The following CFAP54 variants were observed in gnomAD, a reference collection of about 807,000 sequenced individuals.
CFAP54 encodes the protein cilia- and flagella-associated protein 54.
CFAP54 carries 290 observed loss-of-function variants against 370.4 expected under a neutral mutation model. That is an observed-to-expected ratio of 0.78 (90% CI 0.71 to 0.86). CFAP54 has a LOEUF of 0.86. CFAP54 is among the 40% of genes least tolerant of loss of function. The probability of loss-of-function intolerance (pLI) is 0.00; values close to 1 mark genes in which losing one functional copy is unlikely to be tolerated. For synonymous variants in CFAP54, 1,206 were observed against 1,236.5 expected (o/e 0.98, Z 0.52); for missense variants, 3,399 against 3,528.7 (o/e 0.96, Z 0.93).
intron 5 of CFAP54, among the ~76,000 whole-genome samples, chr12:96,516,865 A>G (rs940142160): frequency 1.3e-5 from 2 of 152,212 alleles, no homozygotes; most frequent in Admixed American, 1.3e-4. Flanking sequence ...TAAATGGTGT[A>G]AGCTGATATA....
At chr12:96,647,750 A>T in intron 33 of CFAP54, 125 bp from the exon 34 acceptor site, 1 of 803,782 alleles carries the variant, frequency 1.2e-6, no homozygotes, top group Non-Finnish European at 1.8e-6. Flanking sequence ...AAGTGACAAA[A>T]CCCTTCATGA....
chr12:96,579,893 T>A (rs2136424613), intron 20 of CFAP54, among the ~76,000 whole-genome samples: 1 of 151,834 alleles, frequency 6.6e-6, no homozygotes, highest in South Asian at 2.1e-4. Flanking sequence ...AATATAAAAT[T>A]AAACTAAATA....
Position 96,769,753 on chromosome 12 carries a change from C to T in CFAP54, c.8281+4535C>T, listed in dbSNP as rs759287557. Among the ~76,000 whole-genome samples the T allele has an allele frequency of 3.9e-5, 6 of 152,206 alleles. No individual in the cohort carries two copies. The South Asian group carries it at 8.3e-4, about 21-fold the overall frequency. On this transcript the variant is annotated intron_variant, in intron 60 of 67. Transcript: ENST00000524981. ...GATAACAAATAGAGTTATACACCTG[C>T]GCTCTAAACTCACTGAGTCCCGCAG... is the stretch of plus-strand genomic sequence containing the variant.
At chr12:96,823,518 G>A (rs1005515804) in intron 65 of CFAP54, among the ~76,000 whole-genome samples, 1 of 152,160 alleles carries the variant, frequency 6.6e-6, no homozygotes, top group Non-Finnish European at 1.5e-5. Flanking sequence ...GAAACAATAA[G>A]ATCTGTTGTG....
At chr12:96,542,396 A>T (rs1253377343) in intron 14 of CFAP54, among the ~76,000 whole-genome samples, 1 of 152,248 alleles carries the variant, frequency 6.6e-6, no homozygotes, top group Non-Finnish European at 1.5e-5. Flanking sequence ...GTCTCTGGCC[A>T]TCGAACACAT....
intron 39 of CFAP54, among the ~76,000 whole-genome samples, chr12:96,672,503 G>A (rs193107856): frequency 6.6e-6 from 1 of 152,234 alleles, no homozygotes; most frequent in Admixed American, 6.5e-5. Context: ...AGAAAGGAAG[G>A]GAGAAGGGTT....
intron 46 of CFAP54, among the ~76,000 whole-genome samples, chr12:96,704,241 C>T (rs1957521323): frequency 6.6e-6 from 1 of 151,664 alleles, no homozygotes; most frequent in African/African-American, 2.4e-5. Flanking sequence ...TCCTGGCTAA[C>T]ACGGTGAAAC....
intron 39 of CFAP54, among the ~76,000 whole-genome samples, chr12:96,679,345 A>G (rs557051372): frequency 6.6e-6 from 1 of 152,122 alleles, no homozygotes; most frequent in African/African-American, 2.4e-5. Context: ...AAAATTGGCA[A>G]GATCTAAAGT....
At chr12:96,632,997 T>G (rs536004822) in intron 32 of CFAP54, among the ~76,000 whole-genome samples, 15 of 152,298 alleles carry the variant, frequency 9.8e-5, no homozygotes, top group Admixed American at 3.3e-4. Flanking sequence ...GTGTAAATTA[T>G]ATTTTAAAAT....
At chr12:96,654,318 G>A (rs1020711210) in intron 36 of CFAP54, among the ~76,000 whole-genome samples, 4 of 152,050 alleles carry the variant, frequency 2.6e-5, no homozygotes, top group Admixed American at 1.3e-4. Context: ...TGGCTAACTC[G>A]GTGAAACCCC....
rs1018784141 is a variant in CFAP54 at position 96,489,626 on chromosome 12, C to G, written c.17C>G (p.Ser6Cys). The G allele has an allele frequency of 1.3e-6, 2 of 1,522,688 alleles. No individual in the cohort carries two copies. The highest frequency in any genetic ancestry group is 1.8e-6 in the Non-Finnish European group (2 of 1,136,898). 94.3% of individuals were successfully genotyped at this position (1,522,688 alleles called of 1,614,324 possible). A position where few individuals can be genotyped will look rare whatever the true frequency, so the allele number is the denominator to read the frequency against. MAAQG[S>C]PSSSPSDDST... ...CGCGTCAATATGGCGGCGCAGGGCT[C>G]CCCCTCGAGCTCTCCGTCAGACGAC... is the stretch of plus-strand genomic sequence containing the variant. The change falls in exon 1 of 68, where the codon TCC (serine) becomes TGC (cysteine). Residue 6 changes from serine (S) to cysteine (C), a missense_variant. Ser to Cys is a moderately radical substitution (Grantham distance 112, BLOSUM62 -1). This residue lies in a region of CFAP54 where 559 missense variants were observed against 576.7 expected (regional missense o/e 0.97). Transcript: ENST00000524981.
intron 39 of CFAP54, among the ~76,000 whole-genome samples, chr12:96,668,897 C>T (rs1395957276): frequency 6.6e-6 from 1 of 152,058 alleles, no homozygotes; most frequent in African/African-American, 2.4e-5. Flanking sequence ...ATTTATGGAG[C>T]CAGTCAGCTA....
At chr12:96,651,894 G>GTTT (rs11314540) in intron 36 of CFAP54, 79 bp downstream of exon 36, 1,424 of 689,366 alleles carry the variant, frequency 2.1e-3, no homozygotes, top group Non-Finnish European at 2.6e-3. Flanking sequence ...AGTAGAAACT[G>GTTT]TTTTTTTTTT....
chr12:96,503,477 T>A (rs1459255137), intron 2 of CFAP54, among the ~76,000 whole-genome samples: 1 of 145,590 alleles, frequency 6.9e-6, no homozygotes, highest in Non-Finnish European at 1.5e-5. Flanking sequence ...CGCTCGCTCT[T>A]CGTTTCTTTT....
At chr12:96,847,448 C>T (rs1368435803) in intron 66 of CFAP54, among the ~76,000 whole-genome samples, 1 of 152,136 alleles carries the variant, frequency 6.6e-6, no homozygotes, top group Admixed American at 6.5e-5. Flanking sequence ...AAATCATCAG[C>T]TATTGGTGAT....
At position 96,564,724 on chromosome 12, in the gene CFAP54, G is replaced by A. The variant is rs772246816; in HGVS notation, c.2578G>A (p.Glu860Lys). 3.2e-6 allele frequency: 2 copies of A among 628,628 alleles called. No individual in the cohort carries two copies. The highest frequency in any genetic ancestry group is 2.8e-6 in the Non-Finnish European group (1 of 357,500). The allele number at this position is 628,628 out of a possible 1,614,324, so 38.9% of individuals were successfully genotyped here. ...AATGCAGAAAGCTCTTTTAATATTC[G>A]AGAAAGATGCAACTTCTACATCTTC... ...YLMQKALLIFEKDATSTSSWE... is the reference protein window; with the variant it reads ...YLMQKALLIFKKDATSTSSWE... Residue 860 changes from glutamate (E) to lysine (K), a missense_variant, in exon 19 of 68, where the codon GAG becomes AAG. Coordinates refer to ENST00000524981, the MANE Select transcript of CFAP54 (RefSeq NM_001306084.2).
At chr12:96,682,948 C>T (rs891775805) in intron 40 of CFAP54, among the ~76,000 whole-genome samples, 18 of 152,048 alleles carry the variant, frequency 1.2e-4, no homozygotes, top group Non-Finnish European at 2.6e-4. Context: ...TTTTCTGGTC[C>T]CATCTAATTC....
chr12:96,550,480 G>C (rs1482531711), intron 15 of CFAP54, among the ~76,000 whole-genome samples: 1 of 152,168 alleles, frequency 6.6e-6, no homozygotes, highest in Non-Finnish European at 1.5e-5. Flanking sequence ...GGGAGGCTGA[G>C]GTGTGAGAAT....
At chr12:96,566,988 G>C (rs545322118) in intron 19 of CFAP54, among the ~76,000 whole-genome samples, 1 of 152,270 alleles carries the variant, frequency 6.6e-6, no homozygotes, top group East Asian at 1.9e-4. Flanking sequence ...AATTGCAAGA[G>C]GGCTAGGGAA....
Sources: gnomAD v4.1 joint callset for allele counts (sites outside exome capture counted in the v4.1 genomes callset) on GRCh38, gnomAD v4.1.1 for gene constraint, gnomAD v4.1.1 regional missense constraint, MANE v1.5 for transcripts, NCBI Gene and HGNC (gene_info 2026-07-23, HGNC 2026-07-21) for gene names.